Variants in DCAF5 observed in about 807,000 individuals in gnomAD.
DCAF5 encodes the protein DDB1- and CUL4-associated factor 5.
In DCAF5, 9 loss-of-function variants were observed where a neutral mutation model predicts 80.7. That is an observed-to-expected ratio of 0.11 (90% CI 0.07 to 0.19). DCAF5 has a LOEUF of 0.19. Among genes scored for constraint, DCAF5 ranks in the 10% least tolerant of loss-of-function variants. The pLI is 1.00. For missense variants in DCAF5, 842 were observed against 1,205.7 expected, an observed-to-expected ratio of 0.70 and a Z score of 4.47; for synonymous variants, 433 against 461.9, an observed-to-expected ratio of 0.94 and a Z score of 0.80.
chr14:69,070,663 T>C (rs1234575356), intron 7 of DCAF5, among the ~76,000 whole-genome samples: 2 of 152,178 alleles, frequency 1.3e-5, no homozygotes, highest in East Asian at 3.8e-4. Context: ...ATTTTCAGAA[T>C]TACCACATAA....
chr14:69,069,353 C>G (rs1341986422), intron 7 of DCAF5, among the ~76,000 whole-genome samples: 1 of 152,184 alleles, frequency 6.6e-6, no homozygotes, highest in Non-Finnish European at 1.5e-5. Context: ...TCAAGGGCAG[C>G]CTTCATGCAA....
Position 69,054,597 on chromosome 14 carries a change from T to C in DCAF5, c.2089A>G (p.Ser697Gly). ...GEADEGRAGT[S>G]HKDNPAPSSS... ...GAAGGGGCTGGGTTGTCTTTGTGGCTGGTTCCTGCTCTCCCTTCATCTGCC... is the reference window on the plus strand; with the variant it reads ...GAAGGGGCTGGGTTGTCTTTGTGGCCGGTTCCTGCTCTCCCTTCATCTGCC... The change falls in exon 9 of 9, where the codon AGC (serine) becomes GGC (glycine). Residue 697 changes from serine to glycine, a missense_variant. This residue lies in a region of DCAF5 where 607 missense variants were observed against 656.6 expected (regional missense o/e 0.92). Transcript: ENST00000341516. 6.2e-7 allele frequency: 1 copy of C among 1,614,194 alleles called. No homozygotes were observed. The highest frequency in any genetic ancestry group is 8.5e-7 in the Non-Finnish European group (1 of 1,180,016).
At chr14:69,087,198 T>C (rs766884190) in intron 6 of DCAF5, among the ~76,000 whole-genome samples, 4 of 152,192 alleles carry the variant, frequency 2.6e-5, no homozygotes, top group Non-Finnish European at 5.9e-5. Context: ...CTGTCTTATA[T>C]GTGCATGCCA....
rs141697915 is a variant in DCAF5, at chr14:69,077,077, T to C, written c.880-1666A>G. Among the ~76,000 whole-genome samples the C allele has an allele frequency of 2.0e-5, 3 of 152,228 alleles. No individual in the cohort carries two copies. In the East Asian group the frequency reaches 5.8e-4, roughly 29 times the overall value. On this transcript the variant is annotated intron_variant, in intron 6 of 8. Transcript: ENST00000341516. Reference sequence around the variant, plus strand: ...ACATTGTCTAATAGCAACGAGAGAGTAATTTTGAGAGTTCATTTATTTCCA... The same window carrying C: ...ACATTGTCTAATAGCAACGAGAGAGCAATTTTGAGAGTTCATTTATTTCCA...
intron 8 of DCAF5, among the ~76,000 whole-genome samples, chr14:69,058,411 C>T (rs1022739634): frequency 2.0e-5 from 3 of 151,724 alleles, no homozygotes; most frequent in African/African-American, 7.3e-5. Context: ...CCCAGCTACT[C>T]GGGAGGCTGA....
intron 6 of DCAF5, among the ~76,000 whole-genome samples, chr14:69,078,133 T>A (rs943489869): frequency 1.8e-4 from 28 of 152,196 alleles, no homozygotes; most frequent in African/African-American, 6.5e-4. Flanking sequence ...ATAAGGCCAG[T>A]CTTGTTAAAC....
chr14:69,110,446 T>G (rs1179812852), intron 5 of DCAF5, among the ~76,000 whole-genome samples: 2 of 151,926 alleles, frequency 1.3e-5, no homozygotes, highest in East Asian at 3.9e-4. Flanking sequence ...TCCTATTTTT[T>G]TTTAGTAGAG....
rs753593107 is a variant in DCAF5, at chr14:69,152,897, G to T, written c.82C>A (p.Leu28Met). The change falls in exon 1 of 9, where the codon CTG (leucine) becomes ATG (methionine). Residue 28 changes from leucine to methionine, a missense_variant. Around this residue, in one of 5 missense-constraint regions of DCAF5, gnomAD observed 142 missense variants for 311.9 expected, o/e 0.46. Coordinates refer to ENST00000341516, the MANE Select transcript of DCAF5 (RefSeq NM_003861.3). This position sits in a 1 kb window ranked among gnomAD's most constrained non-coding sequence, Gnocchi z 4.1. ...CTCCTCTGAAAGTCCTGAGTGAGCA[G>T]GGGGTCCCCATGCAAGCCCCGCTGG... ...LSQRGLHGDP[L>M]LTQDFQRRRL... is the part of the protein sequence containing the mutation. The T allele has an allele frequency of 2.0e-5, 32 of 1,613,840 alleles. No individual in the cohort carries two copies. The highest frequency in any genetic ancestry group is 2.6e-5 in the Non-Finnish European group (31 of 1,179,970).
At chr14:69,107,623 C>T (rs2040207222) in intron 5 of DCAF5, among the ~76,000 whole-genome samples, 1 of 152,166 alleles carries the variant, frequency 6.6e-6, no homozygotes, top group Non-Finnish European at 1.5e-5. Context: ...AAAGCAACTT[C>T]ACCAGAATAC....
At chr14:69,143,270 A>T (rs560039357) in intron 1 of DCAF5, among the ~76,000 whole-genome samples, 2 of 152,326 alleles carry the variant, frequency 1.3e-5, no homozygotes, top group South Asian at 4.1e-4. Context: ...ATCCTTTAAA[A>T]ATGCATATAA....
intron 1 of DCAF5, among the ~76,000 whole-genome samples, chr14:69,138,425 T>A (rs909839820): frequency 1.3e-5 from 2 of 152,146 alleles, no homozygotes; most frequent in Non-Finnish European, 2.9e-5. Context: ...CCCTGGAAAA[T>A]CTCTACCTAC....
At position 69,052,163 on chromosome 14, in the gene DCAF5, T is replaced by C. The variant is rs1362253121; in HGVS notation, c.*1694A>G. ...TTACACACACCAGGCACATCTTCTC[T>C]TTCACAGAGCTTATCAGGATGGTAT... On this transcript the variant is annotated 3_prime_UTR_variant, in exon 9 of 9. Coordinates refer to ENST00000341516, the MANE Select transcript of DCAF5 (RefSeq NM_003861.3). The C allele has an allele frequency of 6.6e-6, 1 of 152,300 alleles. No individual in the cohort carries two copies. The highest frequency in any genetic ancestry group is 1.5e-5 in the Non-Finnish European group (1 of 68,062). The allele number at this position is 152,300 out of a possible 1,614,324, so 9.4% of individuals were successfully genotyped here. A position where few individuals can be genotyped will look rare whatever the true frequency, so the allele number is the denominator to read the frequency against.
chr14:69,116,641 C>T lies in DCAF5; in HGVS notation c.536-146G>A, dbSNP rs1228933699. Reference sequence around the variant, plus strand: ...GCCCCAAAACAGCACATAATCCCACCAGTCACCTCTACTTACAAGGTCCCC... The same window carrying T: ...GCCCCAAAACAGCACATAATCCCACTAGTCACCTCTACTTACAAGGTCCCC... On this transcript the variant is annotated intron_variant, in intron 4 of 8. Transcript: ENST00000341516. The T allele has an allele frequency of 4.6e-6, 4 of 879,084 alleles. No homozygotes were observed. In the East Asian group the frequency reaches 1.0e-4, roughly 22 times the overall value. The allele number at this position is 879,084 out of a possible 1,614,324, so 54.5% of individuals were successfully genotyped here.
chr14:69,153,133 G>A, upstream of DCAF5: 2 of 510,306 alleles, frequency 3.9e-6, no homozygotes, highest in Non-Finnish European at 6.4e-6. Flanking sequence ...GACACTCGGC[G>A]GCGTTCGCGG....
chr14:69,151,942 G>A (rs773416731), intron 1 of DCAF5, among the ~76,000 whole-genome samples: 5 of 152,212 alleles, frequency 3.3e-5, no homozygotes, highest in African/African-American at 4.8e-5. Flanking sequence ...CGAGAGGGAG[G>A]AGAAGCAGAG....
At position 69,152,063 on chromosome 14, in the gene DCAF5, A is replaced by G. The variant is rs2041724326; in HGVS notation, c.214+702T>C. 1.3e-5 allele frequency among the ~76,000 whole-genome samples: 2 copies of G among 152,166 alleles called. No individual in the cohort carries two copies. The highest frequency in any genetic ancestry group is 2.4e-5 in the African/African-American group (1 of 41,446). ...GCCTGCCTCGCAAGTTGCGCATTCA[A>G]GTTCAGGCTGGTGCCCTTTAGCCTC... On this transcript the variant is annotated intron_variant, in intron 1 of 8. Coordinates refer to ENST00000341516, the MANE Select transcript of DCAF5 (RefSeq NM_003861.3). The surrounding 1 kb of genome is among the most constrained non-coding windows in gnomAD (Gnocchi z 4.1).
chr14:69,097,267 TGATGAGACAC>T (rs960358384), intron 5 of DCAF5, among the ~76,000 whole-genome samples: 9 of 152,192 alleles, frequency 5.9e-5, no homozygotes, highest in Non-Finnish European at 1.2e-4. Context: ...AACTGCTGAC[TGATGAGACAC>T]GATTACAGGA....
chr14:69,127,793 G>A (rs2040922340), intron 1 of DCAF5, among the ~76,000 whole-genome samples: 1 of 152,094 alleles, frequency 6.6e-6, no homozygotes, highest in South Asian at 2.1e-4. Context: ...ATTTTGCTGT[G>A]AACCTGAAAC....
intron 5 of DCAF5, among the ~76,000 whole-genome samples, chr14:69,100,448 C>G (rs1001022304): frequency 4.6e-5 from 7 of 152,176 alleles, no homozygotes. Context: ...CATATAATAA[C>G]AGTCAAACAA....
Sources: allele counts gnomAD v4.1 joint callset (sites outside exome capture counted in the v4.1 genomes callset), GRCh38; gene constraint gnomAD v4.1.1; regional missense constraint gnomAD v4.1.1; non-coding constraint Gnocchi (gnomAD v3.1); transcripts MANE v1.5; gene names NCBI Gene and HGNC (gene_info 2026-07-23, HGNC 2026-07-21).